NEGR1: variants seen among roughly 807,000 people sequenced by gnomAD.
NEGR1 encodes the protein neuronal growth regulator 1, also known as IgLON family member 4.
In NEGR1, 10 loss-of-function variants were observed where a neutral mutation model predicts 40.9. That is an observed-to-expected ratio of 0.24 (90% CI 0.15 to 0.42). The LOEUF is 0.42. Ranked by LOEUF, NEGR1 falls within the 10% of genes least tolerant of loss-of-function variation. NEGR1 has a pLI of 1.00. For missense variants in NEGR1, 352 were observed against 438.9 expected, an observed-to-expected ratio of 0.80 and a Z score of 1.77; for synonymous variants, 185 against 166.8, an observed-to-expected ratio of 1.11 and a Z score of -0.84.
intron 4 of NEGR1, among the ~76,000 whole-genome samples, chr1:71,669,839 TA>T (rs66950808): frequency 0.073 from 11,125 of 151,988 alleles, 508 homozygotes; most frequent in East Asian, 0.13. Flanking sequence ...TTAGTAGAGA[TA>T]GGGATTTCAC....
intron 3 of NEGR1, among the ~76,000 whole-genome samples, chr1:71,745,103 C>T (rs1165021465): frequency 2.4e-4 from 37 of 152,150 alleles, no homozygotes; most frequent in Admixed American, 2.4e-3. Context: ...TAAAACTTCT[C>T]TCTTTTTTTG....
At chr1:71,802,780 A>G (rs1193005659) in intron 2 of NEGR1, among the ~76,000 whole-genome samples, 5 of 152,256 alleles carry the variant, frequency 3.3e-5, no homozygotes, top group Admixed American at 2.6e-4. Flanking sequence ...GGGAATGTTT[A>G]TCTTATTTCT....
intron 4 of NEGR1, among the ~76,000 whole-genome samples, chr1:71,627,500 G>C (rs903469130): frequency 2.0e-5 from 3 of 151,956 alleles, no homozygotes; most frequent in Non-Finnish European, 4.4e-5. Context: ...TTTTTAGTCA[G>C]CTATAGACAC....
intron 6 of NEGR1, among the ~76,000 whole-genome samples, chr1:71,576,886 C>T (rs1299692722): frequency 6.6e-6 from 1 of 152,114 alleles, no homozygotes; most frequent in Non-Finnish European, 1.5e-5. Context: ...AAAAAATAAC[C>T]CTGGGAATGA....
intron 1 of NEGR1, among the ~76,000 whole-genome samples, chr1:72,265,316 A>G (rs574287807): frequency 2.0e-4 from 30 of 150,962 alleles, no homozygotes; most frequent in Non-Finnish European, 3.9e-4. Flanking sequence ...TTTAATTTTA[A>G]TTAATTTTGT....
chr1:72,167,012 G>C (rs190737742), intron 1 of NEGR1, among the ~76,000 whole-genome samples: 2 of 152,136 alleles, frequency 1.3e-5, no homozygotes, highest in Admixed American at 1.3e-4. Flanking sequence ...GAAATGATTT[G>C]CCTAGCCTGA....
chr1:72,144,575 AAAC>A (rs1309288421), intron 1 of NEGR1, among the ~76,000 whole-genome samples: 1 of 151,984 alleles, frequency 6.6e-6, no homozygotes, highest in Non-Finnish European at 1.5e-5. Flanking sequence ...TGAAGAAGCA[AAAC>A]AACATTGTAG....
At chr1:71,796,742 C>T (rs1408814372) in intron 2 of NEGR1, among the ~76,000 whole-genome samples, 1 of 152,136 alleles carries the variant, frequency 6.6e-6, no homozygotes, top group Non-Finnish European at 1.5e-5. Flanking sequence ...TCTTTACAAT[C>T]TCTTTAGAGA....
chr1:71,935,801 G>C lies in NEGR1; in HGVS notation c.177-490C>G, dbSNP rs560741706. 2.6e-5 allele frequency among the ~76,000 whole-genome samples: 4 copies of C among 152,002 alleles called. No individual in the cohort carries two copies. In the South Asian group the frequency reaches 6.2e-4, roughly 24 times the overall value. ...GGTGGGTTTATTTATTTATTTATTT[G>C]TTTCTTTCTTTATTTGAGGCAGGGT... On this transcript the variant is annotated intron_variant, in intron 1 of 6. Transcript: ENST00000357731.
At chr1:72,144,612 A>G (rs1193928495) in intron 1 of NEGR1, among the ~76,000 whole-genome samples, 1 of 151,946 alleles carries the variant, frequency 6.6e-6, no homozygotes, top group African/African-American at 2.4e-5. Context: ...ATGTTCCTTA[A>G]ATGTCCACCA....
rs149706895 is a variant in NEGR1 at position 71,708,515 on chromosome 1, G to A, written c.536-10376C>T. Among the ~76,000 whole-genome samples the A allele has an allele frequency of 2.5e-4, 38 of 151,920 alleles. 2 individuals carry two copies. The East Asian group carries it at 7.4e-3, about 29-fold the overall frequency. On this transcript the variant is annotated intron_variant, in intron 3 of 6. Coordinates refer to ENST00000357731, the MANE Select transcript of NEGR1 (RefSeq NM_173808.3). ...AGAAAAACAAATCTAAAATTTATAT[G>A]GAACCATACAAGATCCAGAATAGCC... is the stretch of plus-strand genomic sequence containing the variant.
intron 2 of NEGR1, among the ~76,000 whole-genome samples, chr1:71,842,409 C>T (rs565141237): frequency 6.6e-6 from 1 of 152,244 alleles, no homozygotes; most frequent in African/African-American, 2.4e-5. Flanking sequence ...TTCCAGGAAG[C>T]TGGAGATACA....
At chr1:71,692,292 A>T (rs938526951) in intron 4 of NEGR1, among the ~76,000 whole-genome samples, 1 of 150,678 alleles carries the variant, frequency 6.6e-6, no homozygotes, top group Non-Finnish European at 1.5e-5. Flanking sequence ...TAATTAGCTT[A>T]AAAAAAAACA....
chr1:71,498,655 T>G (rs992117421), intron 6 of NEGR1, among the ~76,000 whole-genome samples: 5 of 152,154 alleles, frequency 3.3e-5, no homozygotes, highest in African/African-American at 9.7e-5. Flanking sequence ...TGTGACTACC[T>G]GCTGTCTGCC....
chr1:71,827,620 TACAA>T (rs1426452395), intron 2 of NEGR1, among the ~76,000 whole-genome samples: 1 of 151,912 alleles, frequency 6.6e-6, no homozygotes, highest in Non-Finnish European at 1.5e-5. Flanking sequence ...ATACAGAAAT[TACAA>T]ACAAACAAAA....
chr1:71,964,952 T>C (rs1033484579), intron 1 of NEGR1, among the ~76,000 whole-genome samples: 25 of 152,278 alleles, frequency 1.6e-4, no homozygotes, highest in South Asian at 6.2e-4. Context: ...AATTTCCAGA[T>C]GATAATCAAT....
At chr1:71,583,476 C>A (rs1357910619) in intron 6 of NEGR1, among the ~76,000 whole-genome samples, 1 of 152,104 alleles carries the variant, frequency 6.6e-6, no homozygotes, top group Non-Finnish European at 1.5e-5. Flanking sequence ...AGAAATAAAC[C>A]CTTTCAATTT....
chr1:72,222,089 C>T (rs1654032268), intron 1 of NEGR1, among the ~76,000 whole-genome samples: 1 of 152,074 alleles, frequency 6.6e-6, no homozygotes, highest in African/African-American at 2.4e-5. Context: ...CCCCTGTAGA[C>T]ACAGAGAACA....
chr1:71,928,378 GTA>G (rs749086506), intron 2 of NEGR1, among the ~76,000 whole-genome samples: 1 of 124,556 alleles, frequency 8.0e-6, no homozygotes, highest in African/African-American at 3.4e-5. Context: ...ATGTATATAT[GTA>G]TATATACACA....
Sources: allele counts gnomAD v4.1 joint callset (sites outside exome capture counted in the v4.1 genomes callset), GRCh38; gene constraint gnomAD v4.1.1; transcripts MANE v1.5; gene names NCBI Gene and HGNC (gene_info 2026-07-23, HGNC 2026-07-21).